GMDS: variants seen among roughly 807,000 people sequenced by gnomAD.
The protein encoded by GMDS is GDP-mannose 4,6 dehydratase.
A neutral mutation model predicts 49.9 loss-of-function variants in GMDS; 20 were observed. The observed-to-expected ratio is 0.40, with a 90% CI of 0.28 to 0.58. The LOEUF (loss-of-function observed/expected upper bound fraction) is 0.58. GMDS is among the 20% of genes least tolerant of loss of function. The pLI is 0.42. For missense variants in GMDS, 362 were observed against 481.4 expected (o/e 0.75, Z 2.32); for synonymous variants, 177 against 178.6 (o/e 0.99, Z 0.07).
chr6:2,187,085 G>A (rs188757451), intron 1 of GMDS, among the ~76,000 whole-genome samples: 1 of 152,264 alleles, frequency 6.6e-6, no homozygotes, highest in Admixed American at 6.5e-5. Flanking sequence ...ATTTTACAAT[G>A]ACAGAGATAT....
At position 1,683,375 on chromosome 6, in the gene GMDS, G is replaced by A. The variant is rs550663343; in HGVS notation, c.987+43041C>T. Among the ~76,000 whole-genome samples the A allele has an allele frequency of 3.4e-4, 51 of 152,212 alleles. No homozygotes were observed. The South Asian group carries it at 4.3e-3, about 13-fold the overall frequency. On this transcript the variant is annotated intron_variant, in intron 9 of 10. Coordinates refer to ENST00000380815, the MANE Select transcript of GMDS (RefSeq NM_001500.4). Reference sequence around the variant, plus strand: ...CCTGACCTCGTGATTTGTCCGCCTCGGCCTCCCAAAGTGCTGGGATTACAG... The same window carrying A: ...CCTGACCTCGTGATTTGTCCGCCTCAGCCTCCCAAAGTGCTGGGATTACAG...
chr6:1,912,438 T>C (rs1349579097), intron 7 of GMDS, among the ~76,000 whole-genome samples: 1 of 152,226 alleles, frequency 6.6e-6, no homozygotes, highest in Admixed American at 6.5e-5. Flanking sequence ...GTTCTTTCTA[T>C]GTGATAGGTA....
intron 4 of GMDS, among the ~76,000 whole-genome samples, chr6:2,011,995 A>G (rs1262789630): frequency 6.6e-6 from 1 of 152,238 alleles, no homozygotes; most frequent in Admixed American, 6.5e-5. Flanking sequence ...CATTATCTTA[A>G]GTGAAATAGC....
chr6:2,159,479 A>G (rs975489103), intron 1 of GMDS, among the ~76,000 whole-genome samples: 2 of 146,914 alleles, frequency 1.4e-5, no homozygotes, highest in African/African-American at 5.0e-5. Context: ...TTCATGGCAT[A>G]CCTTTTTCTT....
intron 9 of GMDS, among the ~76,000 whole-genome samples, chr6:1,674,534 C>T (rs1032599669): frequency 6.9e-6 from 1 of 144,624 alleles, no homozygotes; most frequent in African/African-American, 2.5e-5. Flanking sequence ...TTCTGAAGTT[C>T]CAACTCATCA....
At chr6:2,202,251 C>T (rs1779577129) in intron 1 of GMDS, among the ~76,000 whole-genome samples, 2 of 148,468 alleles carry the variant, frequency 1.3e-5, no homozygotes, top group Non-Finnish European at 3.0e-5. Flanking sequence ...GAGAGAGCAC[C>T]ACATGGACAT....
Position 2,117,493 on chromosome 6 carries a change from T to A in GMDS, c.211A>T (p.Asn71Tyr). 2 of 1,602,064 alleles carry A rather than the reference T, an allele frequency of 1.2e-6. No individual in the cohort carries two copies. Among genetic ancestry groups the A allele is most frequent in the Non-Finnish European group, 1.7e-6 (2 of 1,169,058 alleles). The change falls in exon 3 of 11, where the codon AAT becomes TAT. Residue 71 changes from asparagine to tyrosine, a missense_variant. Transcript: ENST00000380815. ...NTGRIEHLYK[N>Y]PQAHIEGNMK... is the part of the protein sequence containing the mutation. ...CTTCCTTCAATGTGAGCCTGGGGAT[T>A]CTTATACAGATGCTCAATTCGACCC... is the stretch of plus-strand genomic sequence containing the variant.
chr6:1,999,136 A>T (rs1766487995), intron 4 of GMDS, among the ~76,000 whole-genome samples: 2 of 152,096 alleles, frequency 1.3e-5, no homozygotes, highest in African/African-American at 4.8e-5. Context: ...AGCCTGGCCA[A>T]CATGGTGAAA....
intron 9 of GMDS, among the ~76,000 whole-genome samples, chr6:1,675,425 C>A (rs1023351552): frequency 1.3e-5 from 2 of 151,966 alleles, no homozygotes; most frequent in Non-Finnish European, 2.9e-5. Flanking sequence ...ATCTGCAAGC[C>A]TTTTATTCCT....
At chr6:2,124,479 A>G (rs1025579522) in intron 2 of GMDS, among the ~76,000 whole-genome samples, 1 of 152,232 alleles carries the variant, frequency 6.6e-6, no homozygotes, top group African/African-American at 2.4e-5. Context: ...CTGTGAGTGC[A>G]GGGGAGCCAC....
chr6:1,921,597 A>G (rs1487467461), intron 7 of GMDS, among the ~76,000 whole-genome samples: 1 of 152,256 alleles, frequency 6.6e-6, no homozygotes, highest in Non-Finnish European at 1.5e-5. Context: ...TTCCATAGCC[A>G]GATCAGGAAA....
intron 4 of GMDS, among the ~76,000 whole-genome samples, chr6:1,980,714 T>C (rs1440110209): frequency 6.6e-6 from 1 of 152,202 alleles, no homozygotes; most frequent in Non-Finnish European, 1.5e-5. Context: ...GATAGATATT[T>C]ACAGAACTGT....
chr6:1,671,282 G>T (rs1446688063), intron 9 of GMDS, among the ~76,000 whole-genome samples: 1 of 152,180 alleles, frequency 6.6e-6, no homozygotes, highest in Non-Finnish European at 1.5e-5. Flanking sequence ...TCATGTTGGT[G>T]CATGTGTTCA....
intron 6 of GMDS, among the ~76,000 whole-genome samples, chr6:1,932,102 C>T (rs2127244006): frequency 6.6e-6 from 1 of 152,292 alleles, no homozygotes; most frequent in South Asian, 2.1e-4. Context: ...TGAATGGAGT[C>T]TACCAGTGAG....
intron 7 of GMDS, among the ~76,000 whole-genome samples, chr6:1,923,668 C>T (rs1761841540): frequency 6.6e-6 from 1 of 152,238 alleles, no homozygotes; most frequent in African/African-American, 2.4e-5. Context: ...AGCGGTTGAG[C>T]ATGGTGGGCC....
intron 1 of GMDS, among the ~76,000 whole-genome samples, chr6:2,197,289 C>G (rs1387025492): frequency 1.3e-5 from 2 of 152,154 alleles, no homozygotes; most frequent in Non-Finnish European, 2.9e-5. Flanking sequence ...AGTGGAAACA[C>G]TGAGTGGGAA....
At chr6:1,646,995 G>C (rs1397328152) in intron 9 of GMDS, among the ~76,000 whole-genome samples, 1 of 152,210 alleles carries the variant, frequency 6.6e-6, no homozygotes, top group African/African-American at 2.4e-5. Flanking sequence ...GTGGTAGCCA[G>C]GCCTCTTGCC....
intron 7 of GMDS, among the ~76,000 whole-genome samples, chr6:1,779,459 T>G (rs1339632387): frequency 1.3e-5 from 2 of 152,058 alleles, no homozygotes; most frequent in Non-Finnish European, 2.9e-5. Context: ...GGTAACTGTG[T>G]GTGAATTGAG....
chr6:1,947,516 A>G (rs547272069), intron 6 of GMDS, among the ~76,000 whole-genome samples: 2 of 152,252 alleles, frequency 1.3e-5, no homozygotes, highest in African/African-American at 4.8e-5. Context: ...TGCTGCCAGG[A>G]GGGTTTCTCT....
Sources: gnomAD v4.1 joint callset for allele counts (sites outside exome capture counted in the v4.1 genomes callset) on GRCh38, gnomAD v4.1.1 for gene constraint, MANE v1.5 for transcripts, NCBI Gene and HGNC (gene_info 2026-07-23, HGNC 2026-07-21) for gene names.